Variants in INPP5F observed in about 807,000 individuals in gnomAD.
The protein encoded by INPP5F is phosphatidylinositide 4-phosphatase SAC2.
Under a neutral mutation model 137.2 loss-of-function variants are expected in INPP5F, and 97 were observed. That is an observed-to-expected ratio of 0.71 (90% CI 0.60 to 0.84). The LOEUF (loss-of-function observed/expected upper bound fraction) is 0.84, where lower values mean the gene tolerates loss of function less well. INPP5F is among the 40% of genes least tolerant of loss of function. INPP5F has a pLI of 0.00. For synonymous variants in INPP5F, 504 were observed against 476.9 expected, an observed-to-expected ratio of 1.06 and a Z score of -0.74; for missense variants, 1,271 against 1,371.9, an observed-to-expected ratio of 0.93 and a Z score of 1.16.
chr10:119,805,433 G>T lies in INPP5F; in HGVS notation c.1291G>T (p.Asp431Tyr). The T allele has an allele frequency of 6.2e-7, 1 of 1,612,570 alleles. No homozygotes were observed. The highest frequency in any genetic ancestry group is 8.5e-7 in the Non-Finnish European group (1 of 1,178,776). The change falls in exon 11 of 20, where the codon GAC becomes TAC. Residue 431 changes from aspartate to tyrosine, a missense_variant. By Grantham distance (160) the Asp-to-Tyr change is radical (BLOSUM62 -3). Transcript: ENST00000650623. ...NVQTLTDAIYDIILDMKWCWV... is the reference protein window; with the variant it reads ...NVQTLTDAIYYIILDMKWCWV... Reference sequence around the variant, plus strand: ...TCAGACACTAACAGATGCCATTTATGACATTATTCTTGATATGAAGTGGTG... The same window carrying T: ...TCAGACACTAACAGATGCCATTTATTACATTATTCTTGATATGAAGTGGTG...
At chr10:119,807,900 A>G (rs369463577) in intron 12 of INPP5F, 32 bp from the exon 13 acceptor site, 79 of 1,583,482 alleles carry the variant, frequency 5.0e-5, no homozygotes, top group Middle Eastern at 1.7e-4. Context: ...CCTGGCCCAT[A>G]TACAGTTAAT....
intron 3 of INPP5F, among the ~76,000 whole-genome samples, chr10:119,783,509 C>A (rs754959904): frequency 5.9e-5 from 9 of 152,304 alleles, no homozygotes; most frequent in Middle Eastern, 3.4e-3. Flanking sequence ...AGGTTGGGAC[C>A]TTTGTTAGGC....
chr10:119,756,214 C>T (rs1411291487), intron 2 of INPP5F, among the ~76,000 whole-genome samples: 3 of 151,846 alleles, frequency 2.0e-5, no homozygotes, highest in East Asian at 1.9e-4. Flanking sequence ...TTTTTTTTCC[C>T]TCTTAAAGAT....
intron 2 of INPP5F, among the ~76,000 whole-genome samples, chr10:119,779,406 A>AT (rs992378939): frequency 9.8e-4 from 149 of 151,918 alleles, no homozygotes; most frequent in African/African-American, 3.3e-3. Context: ...TTTTTTAAAA[A>AT]TTTTTTTGGG....
intron 13 of INPP5F, among the ~76,000 whole-genome samples, chr10:119,809,556 C>T (rs186182549): frequency 2.8e-4 from 43 of 152,214 alleles, no homozygotes; most frequent in Middle Eastern, 3.4e-3. Flanking sequence ...TTGTGAAAAG[C>T]GCAAGGGAAA....
chr10:119,821,665 A>C (rs1004660502), intron 16 of INPP5F, among the ~76,000 whole-genome samples: 1 of 151,716 alleles, frequency 6.6e-6, no homozygotes, highest in African/African-American at 2.4e-5. Context: ...ATTGTTCCCA[A>C]ATACATAGTT....
intron 9 of INPP5F, among the ~76,000 whole-genome samples, chr10:119,801,713 C>A (rs916347296): frequency 1.3e-5 from 2 of 152,032 alleles, no homozygotes; most frequent in African/African-American, 4.8e-5. Flanking sequence ...GCACTCCAGC[C>A]TGGGTGATGG....
At chr10:119,826,550 C>T in intron 19 of INPP5F, 81 bp from the exon 20 acceptor site, 1 of 1,137,792 alleles carries the variant, frequency 8.8e-7, no homozygotes, top group Non-Finnish European at 1.3e-6. Context: ...ATTTGAATAA[C>T]TGTTTTCACT....
At chr10:119,757,997 A>T (rs997631586) in intron 2 of INPP5F, among the ~76,000 whole-genome samples, 2 of 152,198 alleles carry the variant, frequency 1.3e-5, no homozygotes, top group African/African-American at 4.8e-5. Context: ...TATGGATTTA[A>T]CAAGTATCTA....
At chr10:119,741,021 C>T (rs989448963) in intron 1 of INPP5F, among the ~76,000 whole-genome samples, 4 of 152,156 alleles carry the variant, frequency 2.6e-5, no homozygotes, top group Non-Finnish European at 4.4e-5. Context: ...CCTGGGACTA[C>T]AGGTGTCCGG....
chr10:119,756,687 C>T (rs939495061), intron 2 of INPP5F, among the ~76,000 whole-genome samples: 1 of 152,044 alleles, frequency 6.6e-6, no homozygotes, highest in Non-Finnish European at 1.5e-5. Context: ...TAAAAGACTA[C>T]ATTGTGAAAA....
intron 3 of INPP5F, among the ~76,000 whole-genome samples, chr10:119,788,477 A>G (rs1353211551): frequency 6.6e-6 from 1 of 152,154 alleles, no homozygotes; most frequent in African/African-American, 2.4e-5. Context: ...GATTGTTGTC[A>G]TGGGGACCAG....
At chr10:119,756,020 G>T (rs1285282394) in intron 2 of INPP5F, among the ~76,000 whole-genome samples, 2 of 152,060 alleles carry the variant, frequency 1.3e-5, no homozygotes, top group African/African-American at 4.8e-5. Flanking sequence ...GCCAGGTGTG[G>T]TGGCACACAC....
intron 8 of INPP5F, among the ~76,000 whole-genome samples, chr10:119,798,070 A>G (rs1039396460): frequency 6.6e-6 from 1 of 151,464 alleles, no homozygotes; most frequent in African/African-American, 2.4e-5. Context: ...TTTTAATCGA[A>G]TATTTTGTTT....
rs968460222 is a variant in INPP5F at position 119,796,646 on chromosome 10, C to G, written c.670-69C>G. On this transcript the variant is annotated intron_variant, in intron 6 of 19. Coordinates refer to ENST00000650623, the MANE Select transcript of INPP5F (RefSeq NM_014937.4). ...TAAACTGAGAAATATGTGCTGACTA[C>G]TGTTTGGGTTTAAGAAAGTAGCAGT... 7.0e-6 allele frequency: 8 copies of G among 1,138,546 alleles called. No individual in the cohort carries two copies. In the African/African-American group the frequency reaches 1.2e-4, roughly 17 times the overall value. The allele number at this position is 1,138,546 out of a possible 1,614,324, so 70.5% of individuals were successfully genotyped here. A position where few individuals can be genotyped will look rare whatever the true frequency, so the allele number is the denominator to read the frequency against.
At chr10:119,749,925 C>T (rs568266112) in intron 1 of INPP5F, among the ~76,000 whole-genome samples, 1 of 152,184 alleles carries the variant, frequency 6.6e-6, no homozygotes, top group East Asian at 1.9e-4. Flanking sequence ...ACTACAGGCG[C>T]GTGCCACCAT....
chr10:119,773,268 G>C (rs1849422533), intron 2 of INPP5F, among the ~76,000 whole-genome samples: 1 of 151,460 alleles, frequency 6.6e-6, no homozygotes, highest in South Asian at 2.1e-4. Flanking sequence ...TGTTGCCCAG[G>C]CTAGGCTCAA....
At chr10:119,805,828 A>T (rs771230048) in intron 11 of INPP5F, among the ~76,000 whole-genome samples, 26 of 152,234 alleles carry the variant, frequency 1.7e-4, no homozygotes, top group Non-Finnish European at 2.8e-4. Flanking sequence ...TTTCAAAATT[A>T]TCAGAGACGG....
intron 12 of INPP5F, among the ~76,000 whole-genome samples, chr10:119,807,182 A>C (rs1452040347): frequency 3.9e-5 from 6 of 152,216 alleles, no homozygotes. Context: ...CTAAGGCATG[A>C]AAATCACTTG....
Sources: allele counts gnomAD v4.1 joint callset (sites outside exome capture counted in the v4.1 genomes callset), GRCh38; gene constraint gnomAD v4.1.1; transcripts MANE v1.5; gene names NCBI Gene and HGNC (gene_info 2026-07-23, HGNC 2026-07-21).